ACSM2B: variants seen among roughly 807,000 people sequenced by gnomAD.
ACSM2B encodes the protein acyl-CoA synthetase medium chain family member 2B.
A neutral mutation model predicts 78.6 loss-of-function variants in ACSM2B; 58 were observed. The ratio of observed to expected loss-of-function variants is 0.74; its 90% CI spans 0.60 to 0.92. ACSM2B has a LOEUF of 0.92. ACSM2B is among the 40% of genes least tolerant of loss of function. The pLI, the probability that ACSM2B is intolerant of heterozygous loss-of-function variation, is 0.00. For missense variants in ACSM2B, 688 were observed against 711.2 expected (o/e 0.97, Z 0.37); for synonymous variants, 257 against 256.8 (o/e 1.00, Z -0.01).
At chr16:20,555,915 G>A (rs1211289777) in intron 3 of ACSM2B, among the ~76,000 whole-genome samples, 1 of 152,054 alleles carries the variant, frequency 6.6e-6, no homozygotes, top group Non-Finnish European at 1.5e-5. Context: ...TCAACCCTGG[G>A]ACATTAAATG....
rs906853529 is a variant in ACSM2B, at chr16:20,554,059, T to C, written c.597-139A>G. 11 of 1,227,610 alleles carry C rather than the reference T, an allele frequency of 9.0e-6. No homozygotes were observed. In the African/African-American group the frequency reaches 1.4e-4, roughly 16 times the overall value. The allele number at this position is 1,227,610 out of a possible 1,614,324, so 76.0% of individuals were successfully genotyped here. Reference sequence around the variant, plus strand: ...CCTCACAAGAGAGGCTGCTGAGTGATTAAGATCATGGGAGCCTGAGTCAAT... The same window carrying C: ...CCTCACAAGAGAGGCTGCTGAGTGACTAAGATCATGGGAGCCTGAGTCAAT... On this transcript the variant is annotated intron_variant, in intron 4 of 13. Transcript: ENST00000329697.
intron 1 of ACSM2B, among the ~76,000 whole-genome samples, chr16:20,566,396 T>A (rs564526205): frequency 8.0e-4 from 105 of 131,876 alleles, no homozygotes; most frequent in African/African-American, 2.9e-3. Context: ...ACATTATATG[T>A]GGATATATTA....
chr16:20,542,737 A>C, intron 12 of ACSM2B, 177 bp downstream of exon 12: 1 of 747,840 alleles, frequency 1.3e-6, no homozygotes, highest in South Asian at 1.9e-5. Context: ...CTTACAGATG[A>C]AGAAACTGAG....
chr16:20,553,428 C>T (rs1234496703), intron 5 of ACSM2B, among the ~76,000 whole-genome samples: 1 of 152,174 alleles, frequency 6.6e-6, no homozygotes, highest in Non-Finnish European at 1.5e-5. Flanking sequence ...ACAAAAACTG[C>T]CCTCTTGGAG....
In ACSM2B at chr16:20,538,272, T is replaced by C. The variant is rs28644455; in HGVS notation, c.1630-910A>G. ...AGAGTTTATTCAAAACACAATGAAA[T>C]GGAGCAGAGGTCAGCAAACTATGGC... On this transcript the variant is annotated intron_variant, in intron 13 of 13. Transcript: ENST00000329697. Among the ~76,000 whole-genome samples the C allele has an allele frequency of 8.2e-3, 1,249 of 152,284 alleles. 23 individuals are homozygous for C. The highest frequency in any genetic ancestry group is 0.029 in the African/African-American group (1,218 of 41,562).
At chr16:20,548,018 C>T (rs765569138) in intron 8 of ACSM2B, 44 bp downstream of exon 8, 3 of 1,604,498 alleles carry the variant, frequency 1.9e-6, no homozygotes, top group Non-Finnish European at 2.6e-6. Flanking sequence ...AATTTTGAAG[C>T]CCAAAAAGTG....
chr16:20,561,157 T>C lies in ACSM2B; in HGVS notation c.178-1710A>G, dbSNP rs570642585. Reference sequence around the variant, plus strand: ...ACATGCATAAACCTTGAAGACATGCTAAGTGAAATTAGCCAGACACAAAAA... The same window carrying C: ...ACATGCATAAACCTTGAAGACATGCCAAGTGAAATTAGCCAGACACAAAAA... On this transcript the variant is annotated intron_variant, in intron 2 of 13. Coordinates refer to ENST00000329697, the MANE Select transcript of ACSM2B (RefSeq NM_001105069.2). Among the ~76,000 whole-genome samples, 977 of 152,220 alleles carry C rather than the reference T, an allele frequency of 6.4e-3. 11 individuals are homozygous for C. Among genetic ancestry groups the C allele is most frequent in the Non-Finnish European group, 0.01 (688 of 68,014 alleles).
intron 8 of ACSM2B, 127 bp from the exon 9 acceptor site, chr16:20,546,601 T>C (rs2015149962): frequency 4.3e-6 from 6 of 1,397,914 alleles, no homozygotes; most frequent in African/African-American, 2.9e-5. Flanking sequence ...TGGCTCCCCC[T>C]GCTCCTCATT....
intron 6 of ACSM2B, among the ~76,000 whole-genome samples, chr16:20,550,865 C>G (rs530878825): frequency 2.0e-5 from 3 of 152,248 alleles, no homozygotes; most frequent in African/African-American, 7.2e-5. Flanking sequence ...GCTGTACCAT[C>G]AAGTTCTATA....
chr16:20,544,016 T>G (rs776613766), intron 10 of ACSM2B, among the ~76,000 whole-genome samples: 1 of 152,220 alleles, frequency 6.6e-6, no homozygotes, highest in African/African-American at 2.4e-5. Flanking sequence ...GGCTACTGGA[T>G]TGACTTTCTC....
chr16:20,576,055 T>C (rs1289515042), intron 1 of ACSM2B, among the ~76,000 whole-genome samples, 152 bp downstream of exon 1: 5 of 148,268 alleles, frequency 3.4e-5, no homozygotes, highest in Admixed American at 1.3e-4. Flanking sequence ...TGTTTCCTCC[T>C]AAGACTTGGC....
At chr16:20,544,009 T>C (rs1488942582) in intron 10 of ACSM2B, among the ~76,000 whole-genome samples, 20 of 152,330 alleles carry the variant, frequency 1.3e-4, no homozygotes, top group Admixed American at 4.6e-4. Flanking sequence ...GGTTCTTGGC[T>C]ACTGGATTGA....
At chr16:20,573,808 G>A (rs1217997415) in intron 1 of ACSM2B, among the ~76,000 whole-genome samples, 2 of 152,072 alleles carry the variant, frequency 1.3e-5, no homozygotes, top group Admixed American at 6.6e-5. Flanking sequence ...AGAGGAGAGG[G>A]TGTACGAACA....
At chr16:20,567,249 T>G (rs71384486) in intron 1 of ACSM2B, among the ~76,000 whole-genome samples, 23,216 of 125,930 alleles carry the variant, frequency 0.18, 3,078 homozygotes, top group East Asian at 0.69. Flanking sequence ...GTGTAATATA[T>G]AATATATAAT....
At chr16:20,566,750 C>CTACATATAG (rs2015898075) in intron 1 of ACSM2B, among the ~76,000 whole-genome samples, 1 of 42,442 alleles carries the variant, frequency 2.4e-5, no homozygotes, top group African/African-American at 2.3e-4. Flanking sequence ...ACTATATATA[C>CTACATATAG]TATATATAGT....
At position 20,545,271 on chromosome 16, in the gene ACSM2B, G is replaced by T; in HGVS notation, c.1180-13C>A. ...TATCATCTATAACCTGGAGAAAGAA[G>T]CATATTGGAAGAATGACGCACACAG... On this transcript the variant is annotated splice_polypyrimidine_tract_variant and intron_variant, in intron 9 of 13. Transcript: ENST00000329697. 6.2e-7 allele frequency: 1 copy of T among 1,611,294 alleles called. No homozygotes were observed. The highest frequency in any genetic ancestry group is 8.5e-7 in the Non-Finnish European group (1 of 1,178,166).
intron 1 of ACSM2B, among the ~76,000 whole-genome samples, chr16:20,567,426 T>C (rs1205863158): frequency 3.4e-5 from 4 of 119,012 alleles, no homozygotes; most frequent in South Asian, 2.2e-4. Flanking sequence ...TAATATAGTA[T>C]ATTAATATAT....
chr16:20,546,344 A>C, intron 9 of ACSM2B, 50 bp downstream of exon 9: 1 of 1,568,872 alleles, frequency 6.4e-7, no homozygotes, highest in Non-Finnish European at 8.7e-7. Flanking sequence ...TAAATTACTG[A>C]AAATCAGTGT....
intron 4 of ACSM2B, 105 bp downstream of exon 4, chr16:20,555,164 C>G: frequency 6.4e-7 from 1 of 1,552,876 alleles, no homozygotes; most frequent in Non-Finnish European, 8.8e-7. Context: ...CTTCCTAGTC[C>G]CATGCTGTTC....
Sources: gnomAD v4.1 joint callset for allele counts (sites outside exome capture counted in the v4.1 genomes callset) on GRCh38, gnomAD v4.1.1 for gene constraint, MANE v1.5 for transcripts, NCBI Gene and HGNC (gene_info 2026-07-23, HGNC 2026-07-21) for gene names.